Variants in DIAPH3 observed in about 807,000 individuals in gnomAD.
DIAPH3 encodes the protein protein diaphanous homolog 3.
In DIAPH3, 117 loss-of-function variants were observed where a neutral mutation model predicts 144.3. That is an observed-to-expected ratio of 0.81 (90% CI 0.70 to 0.95). DIAPH3 has a LOEUF of 0.95. DIAPH3 is among the 40% of genes least tolerant of loss of function. The pLI is 0.00. For synonymous variants in DIAPH3, 519 were observed against 488.9 expected, an observed-to-expected ratio of 1.06 and a Z score of -0.81; for missense variants, 1,421 against 1,412.7, an observed-to-expected ratio of 1.01 and a Z score of -0.09.
At chr13:59,752,235 TGCAAAGAGATTCAGTAACTGCCA>T (rs1300720804) in intron 27 of DIAPH3, among the ~76,000 whole-genome samples, 1 of 152,128 alleles carries the variant, frequency 6.6e-6, no homozygotes, top group Non-Finnish European at 1.5e-5. Context: ...GAAACCGAGG[TGCAAAGAGATTCAGTAACTGCCA>T]GCATATAAAC....
rs141487228 is a variant in DIAPH3 at position 59,852,914 on chromosome 13, C to T, written c.2737+8493G>A. Among the ~76,000 whole-genome samples the T allele has an allele frequency of 3.6e-3, 555 of 152,124 alleles. 4 individuals are homozygous for T. The highest frequency in any genetic ancestry group is 0.013 in the African/African-American group (528 of 41,504). On this transcript the variant is annotated intron_variant, in intron 22 of 27. Transcript: ENST00000400324. ...GATGTGTGCCAACAATAAATAATCACGGAAAAATAACACCCACACTATAAG... is the reference window on the plus strand; with the variant it reads ...GATGTGTGCCAACAATAAATAATCATGGAAAAATAACACCCACACTATAAG...
Position 59,870,178 on chromosome 13 carries a change from T to A in DIAPH3, c.2608-8642A>T, listed in dbSNP as rs181966056. The stretch of plus-strand genomic sequence containing the variant: ...TAGGTCTGGCAACTTTTTTTTTTTT[T>A]AAATGTAGATGTTCTCGTACCTTTT... On this transcript the variant is annotated intron_variant, in intron 21 of 27. Transcript: ENST00000400324. 7.1e-3 allele frequency among the ~76,000 whole-genome samples: 1,079 copies of A among 151,696 alleles called. 12 individuals carry two copies. The highest frequency in any genetic ancestry group is 0.025 in the African/African-American group (1,024 of 41,360).
intron 25 of DIAPH3, among the ~76,000 whole-genome samples, chr13:59,790,410 G>A (rs191464290): frequency 1.6e-4 from 24 of 152,262 alleles, no homozygotes; most frequent in Admixed American, 1.2e-3. Context: ...CCATCTCACT[G>A]CTGCCAACCT....
At chr13:59,689,864 A>T in intron 27 of DIAPH3, among the ~76,000 whole-genome samples, 1 of 151,910 alleles carries the variant, frequency 6.6e-6, no homozygotes, top group East Asian at 1.9e-4. Context: ...AAACTGAAGA[A>T]ATTCAGACCA....
chr13:59,939,369 C>T lies in DIAPH3; in HGVS notation c.2075-14499G>A, dbSNP rs185433133. Among the ~76,000 whole-genome samples the T allele has an allele frequency of 5.7e-4, 87 of 152,254 alleles. No homozygotes were observed. The South Asian group carries it at 1.0e-2, about 17-fold the overall frequency. ...CAATTCAGTGTTTCAAGAACCTAATCGCATTTCTATTTCCTTGAATACCCA... is the reference window on the plus strand; with the variant it reads ...CAATTCAGTGTTTCAAGAACCTAATTGCATTTCTATTTCCTTGAATACCCA... On this transcript the variant is annotated intron_variant, in intron 17 of 27. Transcript: ENST00000400324.
chr13:59,835,922 T>C, intron 23 of DIAPH3, among the ~76,000 whole-genome samples: 1 of 151,888 alleles, frequency 6.6e-6, no homozygotes, highest in East Asian at 1.9e-4. Flanking sequence ...GGCTTTAGCA[T>C]CTACCCAGTG....
Position 59,924,823 on chromosome 13 carries a change from T to C in DIAPH3, c.2122A>G (p.Lys708Glu), listed in dbSNP as rs2140303186. The C allele has an allele frequency of 6.2e-7, 1 of 1,602,142 alleles. No homozygotes were observed. Among genetic ancestry groups the C allele is most frequent in the South Asian group, 1.1e-5 (1 of 90,790 alleles). ...DIEEKKSIKK[K>E]IKELKFLDSK... ...TCTAAAAACTTAAGTTCTTTAATTT[T>C]TTTCTTAATCGATTTCTTCTCTTCA... Residue 708 changes from lysine (K) to glutamate (E), a missense_variant, in exon 18 of 28, where the codon AAA becomes GAA. Physicochemically the swap from Lys to Glu is moderately conservative, Grantham distance 56. Coordinates refer to ENST00000400324, the MANE Select transcript of DIAPH3 (RefSeq NM_001042517.2).
chr13:60,110,677 T>C (rs1214949150), intron 3 of DIAPH3, among the ~76,000 whole-genome samples: 2 of 152,164 alleles, frequency 1.3e-5, no homozygotes, highest in Non-Finnish European at 2.9e-5. Flanking sequence ...TGGACAGCCC[T>C]GAGAAGGCAA....
chr13:59,798,697 A>G (rs2139455499), intron 25 of DIAPH3, among the ~76,000 whole-genome samples: 1 of 152,342 alleles, frequency 6.6e-6, no homozygotes, highest in East Asian at 1.9e-4. Context: ...GGAACCACCC[A>G]TGTAGCAGAA....
At chr13:59,835,627 G>A (rs1483416439) in intron 23 of DIAPH3, among the ~76,000 whole-genome samples, 7 of 151,754 alleles carry the variant, frequency 4.6e-5, no homozygotes, top group Non-Finnish European at 1.0e-4. Flanking sequence ...ACACAGGCAA[G>A]AAAGAAAGAA....
At chr13:59,759,995 G>A (rs1051712997) in intron 27 of DIAPH3, among the ~76,000 whole-genome samples, 21 of 151,980 alleles carry the variant, frequency 1.4e-4, no homozygotes, top group Admixed American at 1.1e-3. Context: ...AGTGATGAAA[G>A]CCTTGAGACT....
At chr13:60,039,503 C>A (rs2055476440) in intron 5 of DIAPH3, among the ~76,000 whole-genome samples, 1 of 151,942 alleles carries the variant, frequency 6.6e-6, no homozygotes, top group Non-Finnish European at 1.5e-5. Context: ...GGGGTTTCAC[C>A]ATGTTGGCCA....
chr13:60,027,174 G>C (rs1438748863), intron 5 of DIAPH3, among the ~76,000 whole-genome samples: 1 of 152,090 alleles, frequency 6.6e-6, no homozygotes, highest in Non-Finnish European at 1.5e-5. Flanking sequence ...GTTCTAGGAG[G>C]GAGTACAAAG....
chr13:59,682,072 T>A (rs904224060), intron 27 of DIAPH3, among the ~76,000 whole-genome samples: 2 of 152,210 alleles, frequency 1.3e-5, no homozygotes, highest in African/African-American at 4.8e-5. Flanking sequence ...TCTGCTTATA[T>A]GGTACAGAGT....
At chr13:60,079,290 C>T (rs1373573767) in intron 4 of DIAPH3, among the ~76,000 whole-genome samples, 1 of 151,970 alleles carries the variant, frequency 6.6e-6, no homozygotes, top group Non-Finnish European at 1.5e-5. Flanking sequence ...ACATAGTAAG[C>T]AATAGATGCT....
intron 2 of DIAPH3, among the ~76,000 whole-genome samples, chr13:60,129,146 C>T (rs1445206587): frequency 6.6e-6 from 1 of 152,136 alleles, no homozygotes; most frequent in Non-Finnish European, 1.5e-5. Flanking sequence ...ACTCAGTGGA[C>T]ACACTGATGG....
At chr13:60,027,651 G>A (rs1305203323) in intron 5 of DIAPH3, among the ~76,000 whole-genome samples, 1 of 152,048 alleles carries the variant, frequency 6.6e-6, no homozygotes, top group African/African-American at 2.4e-5. Flanking sequence ...ATACTGGTAT[G>A]TGCTCTAATC....
Position 60,013,045 on chromosome 13 carries a change from T to C in DIAPH3, c.772-2376A>G, listed in dbSNP as rs2053386504. 3 of 985,294 alleles carry C rather than the reference T, an allele frequency of 3.0e-6. No individual in the cohort carries two copies. In the South Asian group the frequency reaches 1.4e-4, roughly 46 times the overall value. 61.0% of individuals were successfully genotyped at this position (985,294 alleles called of 1,614,324 possible). On this transcript the variant is annotated intron_variant, in intron 7 of 27. Coordinates refer to ENST00000400324, the MANE Select transcript of DIAPH3 (RefSeq NM_001042517.2). ...TGACTCTGTGTGAGAAGTTGTCAAC[T>C]TACCAGTGCTCGGATTAAAGTGCAT...
chr13:59,749,366 A>T (rs912364543), intron 27 of DIAPH3, among the ~76,000 whole-genome samples: 2 of 146,476 alleles, frequency 1.4e-5, no homozygotes, highest in Admixed American at 1.4e-4. Flanking sequence ...TAAAAATACA[A>T]AAAATTAGCC....
Sources: allele counts gnomAD v4.1 joint callset (sites outside exome capture counted in the v4.1 genomes callset), GRCh38; gene constraint gnomAD v4.1.1; transcripts MANE v1.5; gene names NCBI Gene and HGNC (gene_info 2026-07-23, HGNC 2026-07-21).